Variants in PIRT observed in about 807,000 individuals in gnomAD.
The protein encoded by PIRT is phosphoinositide-interacting protein.
PIRT carries 6 observed loss-of-function variants against 7.9 expected under a neutral mutation model. That is an observed-to-expected ratio of 0.76 (90% CI 0.42 to 1.51). PIRT has a LOEUF of 1.51. Among genes scored for constraint, PIRT ranks in the 40% most tolerant of loss-of-function variants. The pLI, the probability that PIRT is intolerant of heterozygous loss-of-function variation, is 0.01. For synonymous variants in PIRT, 78 were observed against 71.8 expected (o/e 1.09, Z -0.44); for missense variants, 170 against 172.9 (o/e 0.98, Z 0.09).
intron 1 of PIRT, among the ~76,000 whole-genome samples, chr17:10,831,873 C>A (rs758150183): frequency 6.6e-6 from 1 of 152,180 alleles, no homozygotes; most frequent in African/African-American, 2.4e-5. Context: ...GCCTGCAGGG[C>A]AGCAACTGGA....
intron 1 of PIRT, among the ~76,000 whole-genome samples, chr17:10,832,635 G>A (rs1905489706): frequency 6.6e-6 from 1 of 152,200 alleles, no homozygotes; most frequent in Non-Finnish European, 1.5e-5. Context: ...ATAACTAAAT[G>A]CAATACGTTC....
At chr17:10,829,464 T>G (rs1026510715) in intron 1 of PIRT, among the ~76,000 whole-genome samples, 1 of 152,338 alleles carries the variant, frequency 6.6e-6, no homozygotes, top group African/African-American at 2.4e-5. Flanking sequence ...TTTCTGGCTC[T>G]GCAACGCGGT....
chr17:10,829,209 T>G (rs756052530), intron 1 of PIRT, among the ~76,000 whole-genome samples: 1 of 152,144 alleles, frequency 6.6e-6, no homozygotes, highest in South Asian at 2.1e-4. Flanking sequence ...TGGGGCGATA[T>G]GATGGCTGTT....
chr17:10,835,903 ATTT>A (rs71139073), intron 1 of PIRT, among the ~76,000 whole-genome samples: 3 of 140,590 alleles, frequency 2.1e-5, no homozygotes, highest in African/African-American at 2.6e-5. Flanking sequence ...CCAAATCCTG[ATTT>A]TTTTTTTTTT....
chr17:10,825,201 T>A lies in PIRT; in HGVS notation c.*31A>T, dbSNP rs766902409. The A allele has an allele frequency of 1.9e-6, 3 of 1,603,696 alleles. No individual in the cohort carries two copies. In the East Asian group the frequency reaches 6.7e-5, roughly 36 times the overall value. Reference sequence around the variant, plus strand: ...TGTTGGTCATCAGATCTTCTCCCAGTCAAGGTGGCAGGGAGATGCGGAAAC... The same window carrying A: ...TGTTGGTCATCAGATCTTCTCCCAGACAAGGTGGCAGGGAGATGCGGAAAC... On this transcript the variant is annotated 3_prime_UTR_variant, in exon 2 of 2. Coordinates refer to ENST00000580256, the MANE Select transcript of PIRT (RefSeq NM_001101387.2).
At chr17:10,826,570 A>G (rs1165589094) in intron 1 of PIRT, among the ~76,000 whole-genome samples, 1 of 152,214 alleles carries the variant, frequency 6.6e-6, no homozygotes, top group African/African-American at 2.4e-5. Flanking sequence ...TCCTTTGTTA[A>G]ATTGAAACCT....
chr17:10,831,215 C>T (rs147873935), intron 1 of PIRT, among the ~76,000 whole-genome samples: 1 of 152,300 alleles, frequency 6.6e-6, no homozygotes, highest in Admixed American at 6.5e-5. Context: ...TGAGAACCAC[C>T]CTTTTCCGCT....
chr17:10,826,012 G>A (rs1905305823), intron 1 of PIRT, among the ~76,000 whole-genome samples: 2 of 151,788 alleles, frequency 1.3e-5, no homozygotes, highest in Admixed American at 6.6e-5. Flanking sequence ...ACCCAGGCTG[G>A]AGTGCAGTGG....
rs1379767348 is a variant in PIRT, at chr17:10,825,656, G to A, written c.-11C>T. 4.9e-5 allele frequency: 72 copies of A among 1,461,632 alleles called. No individual in the cohort carries two copies. The highest frequency in any genetic ancestry group is 6.2e-5 in the Non-Finnish European group (69 of 1,105,114). 90.5% of individuals were successfully genotyped at this position (1,461,632 alleles called of 1,614,324 possible). On this transcript the variant is annotated 5_prime_UTR_variant, in exon 2 of 2. Coordinates refer to ENST00000580256, the MANE Select transcript of PIRT (RefSeq NM_001101387.2). ...AGTCTCCATCGTCATGGTTGCTCAG[G>A]ACTGGGCGCCTAGGACCAGCAATAG...
Position 10,827,465 on chromosome 17 carries a change from CTTTTTTTTTT to C in PIRT, c.-138-1692_-138-1683del, listed in dbSNP as rs546105685. On this transcript the variant is annotated intron_variant, in intron 1 of 1. Coordinates refer to ENST00000580256, the MANE Select transcript of PIRT (RefSeq NM_001101387.2). ...TCTTTCTTTTCTTTCTTTTTCTTTTCTTTTTTTTTTTTTTTTTTTTTTTTTTGAAGTGGAG... is the reference window on the plus strand; with the variant it reads ...TCTTTCTTTTCTTTCTTTTTCTTTTCTTTTTTTTTTTTTTTTGAAGTGGAG... Among the ~76,000 whole-genome samples the C allele has an allele frequency of 3.3e-3, 188 of 56,312 alleles. 3 individuals are homozygous for C. Among genetic ancestry groups the C allele is most frequent in the African/African-American group, 0.01 (139 of 13,346 alleles). 36.9% of individuals were successfully genotyped at this position (56,312 alleles called of 152,430 possible).
At position 10,836,746 on chromosome 17, in the gene PIRT, T is replaced by C. The variant is rs979658731; in HGVS notation, c.-139+1199A>G. 8.6e-5 allele frequency among the ~76,000 whole-genome samples: 13 copies of C among 152,026 alleles called. 1 individual carries two copies. Among genetic ancestry groups the C allele is most frequent in the Admixed American group, 7.9e-4 (12 of 15,268 alleles). ...AGGAGAGAGGCACACATTACCTCAC[T>C]GCTGGGAGGCTGGGCCCAGCGAGGG... On this transcript the variant is annotated intron_variant, in intron 1 of 1. Transcript: ENST00000580256.
Position 10,824,643 on chromosome 17 carries a change from G to A in PIRT, c.*589C>T, listed in dbSNP as rs1435618209. 6.5e-6 allele frequency: 1 copy of A among 153,370 alleles called. No homozygotes were observed. Among genetic ancestry groups the A allele is most frequent in the Non-Finnish European group, 1.5e-5 (1 of 68,900 alleles). 9.5% of individuals were successfully genotyped at this position (153,370 alleles called of 1,614,324 possible). On this transcript the variant is annotated 3_prime_UTR_variant, in exon 2 of 2. Coordinates refer to ENST00000580256, the MANE Select transcript of PIRT (RefSeq NM_001101387.2). ...CTAGAGTCATGTTGTCATGTCCAGG[G>A]GCACGTGCCATCTTGGAGAGTATTT...
At chr17:10,834,944 G>A (rs182992683) in intron 1 of PIRT, among the ~76,000 whole-genome samples, 6 of 149,634 alleles carry the variant, frequency 4.0e-5, no homozygotes, top group East Asian at 4.0e-4. Flanking sequence ...GACTAGCACC[G>A]CTTTACCAAG....
At chr17:10,832,251 G>A (rs1362775648) in intron 1 of PIRT, among the ~76,000 whole-genome samples, 1 of 151,986 alleles carries the variant, frequency 6.6e-6, no homozygotes, top group Non-Finnish European at 1.5e-5. Flanking sequence ...GGAGTGCAAT[G>A]GCACGATCTC....
chr17:10,827,379 C>T (rs768906468), intron 1 of PIRT, among the ~76,000 whole-genome samples: 13 of 152,050 alleles, frequency 8.5e-5, no homozygotes, highest in South Asian at 2.1e-4. Context: ...ACTGCTTGCC[C>T]GCCAAATACT....
Position 10,828,914 on chromosome 17 carries a change from A to T in PIRT, c.-138-3131T>A, listed in dbSNP as rs370964582. On this transcript the variant is annotated intron_variant, in intron 1 of 1. Transcript: ENST00000580256. Reference sequence around the variant, plus strand: ...TGGCCTTGGTAATGTTACAGTTTGGATCTCTGCTTCCTAAGACTCTGAAAA... The same window carrying T: ...TGGCCTTGGTAATGTTACAGTTTGGTTCTCTGCTTCCTAAGACTCTGAAAA... 3.9e-5 allele frequency among the ~76,000 whole-genome samples: 6 copies of T among 152,346 alleles called. No individual in the cohort carries two copies. In the East Asian group the frequency reaches 9.6e-4, roughly 24 times the overall value.
Position 10,825,060 on chromosome 17 carries a change from A to T in PIRT, c.*172T>A, listed in dbSNP as rs1012906494. On this transcript the variant is annotated 3_prime_UTR_variant, in exon 2 of 2. Transcript: ENST00000580256. ...AGAGATCAAGTGGATACATCTGGCA[A>T]CATTCCCGGCTGCATGGAGGGTGGA... is the stretch of plus-strand genomic sequence containing the variant. 2.4e-6 allele frequency: 2 copies of T among 834,466 alleles called. No individual in the cohort carries two copies. The highest frequency in any genetic ancestry group is 1.8e-6 in the Non-Finnish European group (1 of 547,542). The allele number at this position is 834,466 out of a possible 1,614,324, so 51.7% of individuals were successfully genotyped here.
intron 1 of PIRT, among the ~76,000 whole-genome samples, chr17:10,836,881 C>T (rs908010541): frequency 2.0e-5 from 3 of 152,152 alleles, no homozygotes; most frequent in African/African-American, 7.2e-5. Flanking sequence ...CTCCTGTTTC[C>T]CTCACGGAGT....
At chr17:10,826,603 C>T (rs1597587009) in intron 1 of PIRT, among the ~76,000 whole-genome samples, 2 of 152,182 alleles carry the variant, frequency 1.3e-5, no homozygotes, top group East Asian at 3.8e-4. Context: ...GTGAATTAGG[C>T]ATTAGTCCTG....
Sources: allele counts gnomAD v4.1 joint callset (sites outside exome capture counted in the v4.1 genomes callset), GRCh38; gene constraint gnomAD v4.1.1; transcripts MANE v1.5; gene names NCBI Gene and HGNC (gene_info 2026-07-23, HGNC 2026-07-21).